Variants in USP4 observed in about 807,000 individuals in gnomAD.
USP4 encodes the protein ubiquitin carboxyl-terminal hydrolase 4.
In USP4, 72 loss-of-function variants were observed where a neutral mutation model predicts 118.2. That is an observed-to-expected ratio of 0.61 (90% confidence interval 0.50 to 0.74). The LOEUF is 0.74. Among genes scored for constraint, USP4 ranks in the 30% least tolerant of loss-of-function variants. USP4 has a pLI of 0.00. For synonymous variants in USP4, 415 were observed against 440.4 expected (o/e 0.94, Z 0.72); for missense variants, 1,037 against 1,185.7 (o/e 0.87, Z 1.84).
intron 9 of USP4, among the ~76,000 whole-genome samples, 160 bp from the exon 10 acceptor site, chr3:49,302,702 C>T (rs2047274085): frequency 6.6e-6 from 1 of 152,116 alleles, no homozygotes; most frequent in South Asian, 2.1e-4. Context: ...CTACAGGAGG[C>T]CAGTGGTTCC....
chr3:49,289,682 C>T (rs1165682849), intron 15 of USP4, among the ~76,000 whole-genome samples: 3 of 151,582 alleles, frequency 2.0e-5, no homozygotes, highest in African/African-American at 4.9e-5. Context: ...ACCAGCCTGG[C>T]CAAGATGGTG....
chr3:49,299,100 T>C (rs1435141075), intron 11 of USP4, among the ~76,000 whole-genome samples: 2 of 151,902 alleles, frequency 1.3e-5, no homozygotes, highest in Non-Finnish European at 2.9e-5. Flanking sequence ...CTTTTTTCTT[T>C]TTTTTCTGAG....
Position 49,327,764 on chromosome 3 carries a change from T to A in USP4, c.282A>T (p.Val94=). ...TATTCCACGCCTCGGTAGGGACCAA[T>A]ACATAGTCCAATTCATCAATTAAGT... The part of the protein sequence containing the change: ...KEHLIDELDY[V]LVPTEAWNKL... The change falls in exon 3 of 22, where the codon GTA becomes GTT. Residue 94 remains valine (V), a synonymous_variant. Transcript: ENST00000265560. 1 of 1,613,504 alleles carries A rather than the reference T, an allele frequency of 6.2e-7. No homozygotes were observed. Among genetic ancestry groups the A allele is most frequent in the Non-Finnish European group, 8.5e-7 (1 of 1,179,446 alleles).
intron 8 of USP4, among the ~76,000 whole-genome samples, chr3:49,309,824 G>A (rs1240026230): frequency 2.7e-5 from 4 of 147,598 alleles, no homozygotes; most frequent in African/African-American, 1.0e-4. Context: ...ATGGGGTTTT[G>A]CCATGTTGGC....
intron 9 of USP4, 42 bp downstream of exon 9, chr3:49,305,673 T>G: frequency 6.7e-7 from 1 of 1,502,484 alleles, no homozygotes; most frequent in Non-Finnish European, 8.9e-7. Flanking sequence ...CAGGCATCTA[T>G]ATACAGGGAT....
chr3:49,319,955 T>C (rs1436758713), intron 6 of USP4, among the ~76,000 whole-genome samples: 2 of 152,020 alleles, frequency 1.3e-5, no homozygotes, highest in Non-Finnish European at 2.9e-5. Context: ...TCTTGCTCTG[T>C]CACCCAGGCT....
At chr3:49,280,160 G>A (rs1001374688) in intron 20 of USP4, among the ~76,000 whole-genome samples, 1 of 152,040 alleles carries the variant, frequency 6.6e-6, no homozygotes, top group African/African-American at 2.4e-5. Context: ...CTACTCGGCA[G>A]GCTGAGGCAC....
intron 13 of USP4, among the ~76,000 whole-genome samples, chr3:49,297,429 T>C: frequency 6.6e-6 from 1 of 152,166 alleles, no homozygotes; most frequent in East Asian, 1.9e-4. Flanking sequence ...GCCCTGTCAT[T>C]TCTGCATTGG....
chr3:49,333,657 G>A (rs2047642054), intron 2 of USP4, among the ~76,000 whole-genome samples: 1 of 152,142 alleles, frequency 6.6e-6, no homozygotes, highest in Non-Finnish European at 1.5e-5. Flanking sequence ...GAAGCAGCGA[G>A]AATACACACA....
At chr3:49,290,411 T>A (rs1336809235) in intron 15 of USP4, among the ~76,000 whole-genome samples, 1 of 152,188 alleles carries the variant, frequency 6.6e-6, no homozygotes, top group Non-Finnish European at 1.5e-5. Flanking sequence ...GGACTCCATA[T>A]AGAAATAAAT....
Position 49,280,845 on chromosome 3 carries a change from C to T in USP4, c.2543G>A (p.Gly848Glu). ...ACAGACAAACTCGGACATGTTCAGC[C>T]CTCTGAGCACAAAACACAAAAATAG... ...LDTVVEFPIR[G>E]LNMSEFVCNL... The change falls in exon 20 of 22, where the codon GGG becomes GAG. Residue 848 changes from glycine to glutamate, a missense_variant and splice_region_variant. Coordinates refer to ENST00000265560, the MANE Select transcript of USP4 (RefSeq NM_003363.4). 6.2e-7 allele frequency: 1 copy of T among 1,613,872 alleles called. No individual in the cohort carries two copies. The highest frequency in any genetic ancestry group is 8.5e-7 in the Non-Finnish European group (1 of 1,179,856).
chr3:49,284,178 C>CAGTGCCA (rs754394869), intron 18 of USP4, 42 bp from the exon 19 acceptor site: 1 of 1,612,988 alleles, frequency 6.2e-7, no homozygotes, highest in Admixed American at 1.7e-5. Context: ...AGCCGGCAGC[C>CAGTGCCA]AGTGCCACCT....
In USP4 at chr3:49,330,363, T is replaced by C. The variant is rs1020312257; in HGVS notation, c.230-2547A>G. 2.0e-5 allele frequency among the ~76,000 whole-genome samples: 3 copies of C among 151,814 alleles called. No homozygotes were observed. In the South Asian group the frequency reaches 6.3e-4, roughly 32 times the overall value. On this transcript the variant is annotated intron_variant, in intron 2 of 21. Transcript: ENST00000265560. ...TTTTTTTTTTGAGACAGTCTCGCTGTGTCCCCCAGGCTGGAGTGCAGTGGC... is the reference window on the plus strand; with the variant it reads ...TTTTTTTTTTGAGACAGTCTCGCTGCGTCCCCCAGGCTGGAGTGCAGTGGC...
At chr3:49,279,505 A>AGTTTCCCACAATGATTCAAGC (rs2046995237) in intron 20 of USP4, among the ~76,000 whole-genome samples, 2 of 152,160 alleles carry the variant, frequency 1.3e-5, no homozygotes, top group Non-Finnish European at 2.9e-5. Context: ...GTTAGGTAAC[A>AGTTTCCCACAATGATTCAAGC]GTTTCCCACA....
At chr3:49,336,611 G>A (rs961369349) in intron 1 of USP4, among the ~76,000 whole-genome samples, 6 of 147,140 alleles carry the variant, frequency 4.1e-5, no homozygotes, top group Non-Finnish European at 7.5e-5. Context: ...CGCAACCTCC[G>A]CCTCCCGGGT....
chr3:49,309,261 G>A (rs2047355175), intron 8 of USP4, among the ~76,000 whole-genome samples: 1 of 152,074 alleles, frequency 6.6e-6, no homozygotes, highest in Non-Finnish European at 1.5e-5. Context: ...GGTGGTCTTG[G>A]AAACCTGCAA....
chr3:49,304,786 CAG>C (rs1195922853), intron 9 of USP4, among the ~76,000 whole-genome samples: 2 of 151,602 alleles, frequency 1.3e-5, no homozygotes, highest in Non-Finnish European at 2.9e-5. Context: ...GTTGTTGAGA[CAG>C]AGTCTCACTC....
In USP4 at chr3:49,317,339, G is replaced by A. The variant is rs560256470; in HGVS notation, c.696-5685C>T. On this transcript the variant is annotated intron_variant, in intron 6 of 21. Coordinates refer to ENST00000265560, the MANE Select transcript of USP4 (RefSeq NM_003363.4). ...AGCTGCCTCACCTCATTCTGCAGCC[G>A]CTGTTTCTTGTCCTCCTCCTGCTGG... is the stretch of plus-strand genomic sequence containing the variant. 9.7e-5 allele frequency: 123 copies of A among 1,267,552 alleles called. No homozygotes were observed. The South Asian group carries it at 1.3e-3, about 13-fold the overall frequency. 78.5% of individuals were successfully genotyped at this position (1,267,552 alleles called of 1,614,324 possible). A position where few individuals can be genotyped will look rare whatever the true frequency, so the allele number is the denominator to read the frequency against.
chr3:49,295,808 A>G (rs1472522719), intron 13 of USP4, among the ~76,000 whole-genome samples: 1 of 152,032 alleles, frequency 6.6e-6, no homozygotes, highest in Non-Finnish European at 1.5e-5. Flanking sequence ...ATACATAAAA[A>G]TGTCCAAGGT....
Sources: gnomAD v4.1 joint callset for allele counts (sites outside exome capture counted in the v4.1 genomes callset) on GRCh38, gnomAD v4.1.1 for gene constraint, MANE v1.5 for transcripts, NCBI Gene and HGNC (gene_info 2026-07-23, HGNC 2026-07-21) for gene names.